The following PCDH15 variants were observed in gnomAD, a reference collection of about 807,000 sequenced individuals.
PCDH15 encodes the protein protocadherin related 15, also known as protocadherin-15.
Under a neutral mutation model 178.5 loss-of-function variants are expected in PCDH15, and 129 were observed. The observed-to-expected ratio is 0.72, with a 90% CI of 0.63 to 0.84. The LOEUF is 0.84. Among genes scored for constraint, PCDH15 ranks in the 40% least tolerant of loss-of-function variants. The pLI is 0.00. For missense variants in PCDH15, 2,230 were observed against 2,099.9 expected (o/e 1.06, Z -1.21); for synonymous variants, 800 against 732.0 (o/e 1.09, Z -1.50).
chr10:55,301,944 A>G (rs1843292687), intron 1 of PCDH15, among the ~76,000 whole-genome samples: 1 of 152,142 alleles, frequency 6.6e-6, no homozygotes, highest in African/African-American at 2.4e-5. Context: ...ATTGAACTAT[A>G]TGTCTATCCT....
intron 26 of PCDH15, among the ~76,000 whole-genome samples, chr10:53,871,920 C>A (rs1040357610): frequency 1.3e-5 from 2 of 151,884 alleles, no homozygotes; most frequent in Non-Finnish European, 2.9e-5. Context: ...CTGAGGCGGG[C>A]GGATCACCTG....
intron 3 of PCDH15, among the ~76,000 whole-genome samples, chr10:54,816,512 T>C (rs1268439114): frequency 6.6e-6 from 1 of 152,012 alleles, no homozygotes; most frequent in African/African-American, 2.4e-5. Context: ...CCATGATGCC[T>C]TTTCCAAAGG....
intron 3 of PCDH15, among the ~76,000 whole-genome samples, chr10:54,458,722 T>C (rs2076987693): frequency 6.6e-6 from 1 of 152,156 alleles, no homozygotes; most frequent in African/African-American, 2.4e-5. Context: ...CAAAACATAC[T>C]TCAGTGACTG....
intron 1 of PCDH15, among the ~76,000 whole-genome samples, chr10:55,240,988 G>A (rs1442172813): frequency 2.6e-5 from 4 of 152,162 alleles, no homozygotes; most frequent in Non-Finnish European, 4.4e-5. Flanking sequence ...AGGCCAAGGC[G>A]GGCGGATCAC....
At chr10:55,118,050 A>G (rs1366834914) in intron 2 of PCDH15, among the ~76,000 whole-genome samples, 1 of 152,156 alleles carries the variant, frequency 6.6e-6, no homozygotes, top group African/African-American at 2.4e-5. Flanking sequence ...TTGCCCTAAA[A>G]GAATATGATG....
At chr10:54,571,780 G>A (rs557730078) in intron 2 of PCDH15, among the ~76,000 whole-genome samples, 10 of 152,180 alleles carry the variant, frequency 6.6e-5, no homozygotes, top group African/African-American at 2.2e-4. Flanking sequence ...TCTAATTTTA[G>A]CAGCTTAAAA....
chr10:54,521,959 G>A (rs536133918), intron 3 of PCDH15, among the ~76,000 whole-genome samples: 6 of 151,774 alleles, frequency 4.0e-5, no homozygotes, highest in East Asian at 1.9e-4. Flanking sequence ...ATGGTGGTGG[G>A]TGCATGTGGT....
chr10:53,883,965 C>T (rs923902194), intron 26 of PCDH15, among the ~76,000 whole-genome samples: 9 of 152,210 alleles, frequency 5.9e-5, no homozygotes, highest in Non-Finnish European at 1.0e-4. Flanking sequence ...ATCTGCCCTC[C>T]TCGGCATCCC....
chr10:54,305,151 C>G (rs1370119713), intron 8 of PCDH15, among the ~76,000 whole-genome samples: 1 of 152,044 alleles, frequency 6.6e-6, no homozygotes, highest in African/African-American at 2.4e-5. Context: ...TCTAAACCAT[C>G]TTTTAGCCAC....
chr10:54,040,075 C>T (rs1013201090), intron 18 of PCDH15, among the ~76,000 whole-genome samples: 5 of 152,016 alleles, frequency 3.3e-5, no homozygotes, highest in Non-Finnish European at 4.4e-5. Flanking sequence ...CTATACAAAA[C>T]ATACACTATG....
rs11004229 is a variant in PCDH15 at position 54,318,718 on chromosome 10, T to A, written c.706-1277A>T. Among the ~76,000 whole-genome samples the A allele has an allele frequency of 7.1e-3, 1,079 of 152,280 alleles. 12 individuals carry two copies. Among genetic ancestry groups the A allele is most frequent in the African/African-American group, 0.02 (830 of 41,576 alleles). ...ATTTTGCAGAATGTCCCTTAATGGGTGTTTATCTGGTGTTTTCCTCAAGAT... is the reference window on the plus strand; with the variant it reads ...ATTTTGCAGAATGTCCCTTAATGGGAGTTTATCTGGTGTTTTCCTCAAGAT... On this transcript the variant is annotated intron_variant, in intron 7 of 37. Transcript: ENST00000644397.
At chr10:55,573,082 A>T (rs767654316) in intron 2 of PCDH15, among the ~76,000 whole-genome samples, 2 of 152,130 alleles carry the variant, frequency 1.3e-5, no homozygotes, top group African/African-American at 4.8e-5. Context: ...CTGTTTCAAG[A>T]TATGTAGTGC....
At chr10:55,388,606 A>T (rs1250956643) in intron 2 of PCDH15, among the ~76,000 whole-genome samples, 1 of 152,104 alleles carries the variant, frequency 6.6e-6, no homozygotes, top group Admixed American at 6.6e-5. Context: ...GCTATTCTAT[A>T]TGTACAATTA....
intron 8 of PCDH15, among the ~76,000 whole-genome samples, chr10:54,270,804 A>G (rs943102833): frequency 6.6e-6 from 1 of 152,218 alleles, no homozygotes; most frequent in African/African-American, 2.4e-5. Context: ...ACACTGTTTT[A>G]GATACTTGGG....
intron 2 of PCDH15, among the ~76,000 whole-genome samples, chr10:54,950,174 A>T (rs903211965): frequency 6.6e-6 from 1 of 152,068 alleles, no homozygotes. Context: ...GGTTGAATTG[A>T]CTCACAGTTC....
intron 2 of PCDH15, among the ~76,000 whole-genome samples, chr10:55,447,500 G>A (rs1839343461): frequency 6.6e-6 from 1 of 151,984 alleles, no homozygotes; most frequent in Non-Finnish European, 1.5e-5. Context: ...GCTGACATGA[G>A]ATCCTACGTC....
intron 28 of PCDH15, among the ~76,000 whole-genome samples, chr10:53,843,762 C>T (rs1024887303): frequency 2.6e-5 from 4 of 151,998 alleles, no homozygotes; most frequent in Non-Finnish European, 5.9e-5. Context: ...GGATTCAGGG[C>T]TTTTCATAAA....
rs892166414 is a variant in PCDH15 at position 54,546,021 on chromosome 10, C to T, written c.92-18144G>A. On this transcript the variant is annotated intron_variant, in intron 2 of 37. Transcript: ENST00000644397. ...GAAGTGTATGGTTCTTTGGGGGCAGCTGTGGTAGAGAAATTAGTGCAACAC... is the reference window on the plus strand; with the variant it reads ...GAAGTGTATGGTTCTTTGGGGGCAGTTGTGGTAGAGAAATTAGTGCAACAC... Among the ~76,000 whole-genome samples the T allele has an allele frequency of 1.2e-4, 18 of 152,186 alleles. 1 individual carries two copies. Among genetic ancestry groups the T allele is most frequent in the African/African-American group, 4.1e-4 (17 of 41,452 alleles).
At position 53,804,689 on chromosome 10, in the gene PCDH15, C is replaced by G. The variant is rs1172447589; in HGVS notation, c.*1890G>C. 6.6e-6 allele frequency: 1 copy of G among 151,892 alleles called. No individual in the cohort carries two copies. 9.4% of individuals were successfully genotyped at this position (151,892 alleles called of 1,614,324 possible). On this transcript the variant is annotated 3_prime_UTR_variant, in exon 38 of 38. Coordinates refer to ENST00000644397, the MANE Select transcript of PCDH15 (RefSeq NM_001384140.1). ...ATAATATTAAATTATATTCGATGAC[C>G]TCTGATTGAATTAGTAGGGAAATAT...
Sources: gnomAD v4.1 joint callset for allele counts (sites outside exome capture counted in the v4.1 genomes callset) on GRCh38, gnomAD v4.1.1 for gene constraint, MANE v1.5 for transcripts, NCBI Gene and HGNC (gene_info 2026-07-23, HGNC 2026-07-21) for gene names.